The following ANKRD29 variants were observed in gnomAD, a reference collection of about 807,000 sequenced individuals.
ANKRD29 encodes the protein ankyrin repeat domain-containing protein 29.
Under a neutral mutation model 38.0 loss-of-function variants are expected in ANKRD29, and 32 were observed. The observed-to-expected ratio is 0.84, with a 90% CI of 0.64 to 1.13. ANKRD29 has a LOEUF of 1.13. Among genes scored for constraint, ANKRD29 ranks in the 50% most tolerant of loss-of-function variants. The pLI is 0.00. For synonymous variants in ANKRD29, 135 were observed against 152.4 expected (o/e 0.89, Z 0.84); for missense variants, 357 against 377.9 (o/e 0.94, Z 0.46).
intron 4 of ANKRD29, 43 bp downstream of exon 4, chr18:23,638,806 T>C (rs1179852546): frequency 4.0e-6 from 6 of 1,511,768 alleles, no homozygotes; most frequent in Non-Finnish European, 5.4e-6. Context: ...CCATGGCTGC[T>C]GAAATTCTTC....
chr18:23,612,173 G>A lies in ANKRD29; in HGVS notation c.741C>T (p.Leu247=). The change falls in exon 9 of 10, where the codon CTC becomes CTT. Residue 247 remains leucine, a synonymous_variant. Coordinates refer to ENST00000592179, the MANE Select transcript of ANKRD29 (RefSeq NM_173505.4). ...TGTTTCCACTGAGCACTGCTGCATG[G>A]AGCGCTGATGTCCCATTCTAAGAGA... ...LGILKNGTSA[L]HAAVLSGNIK... 2 of 1,613,694 alleles carry A rather than the reference G, an allele frequency of 1.2e-6. No homozygotes were observed. Among genetic ancestry groups the A allele is most frequent in the Non-Finnish European group, 8.5e-7 (1 of 1,179,838 alleles).
intron 3 of ANKRD29, 144 bp downstream of exon 3, chr18:23,646,045 A>G: frequency 2.7e-6 from 2 of 734,646 alleles, no homozygotes; most frequent in Non-Finnish European, 4.5e-6. Context: ...GCTGGACCTC[A>G]TTGTAGGCAC....
intron 4 of ANKRD29, among the ~76,000 whole-genome samples, chr18:23,638,148 C>A (rs542045483): frequency 6.6e-6 from 1 of 151,946 alleles, no homozygotes; most frequent in Non-Finnish European, 1.5e-5. Flanking sequence ...CAGGCATGTG[C>A]CATCACGCCT....
At chr18:23,611,052 A>T (rs987283896) in intron 9 of ANKRD29, among the ~76,000 whole-genome samples, 28 of 152,254 alleles carry the variant, frequency 1.8e-4, no homozygotes, top group African/African-American at 6.8e-4. Flanking sequence ...GCTTAAGCAG[A>T]TGTTGAAGAG....
At chr18:23,640,467 G>A (rs1452168128) in intron 3 of ANKRD29, among the ~76,000 whole-genome samples, 1 of 152,192 alleles carries the variant, frequency 6.6e-6, no homozygotes, top group East Asian at 1.9e-4. Flanking sequence ...GCGCCCCAGA[G>A]TGGAAGACTA....
At chr18:23,640,241 T>C (rs2060056585) in intron 3 of ANKRD29, among the ~76,000 whole-genome samples, 1 of 152,128 alleles carries the variant, frequency 6.6e-6, no homozygotes, top group African/African-American at 2.4e-5. Flanking sequence ...AGGAAGGGAA[T>C]TCCCCCAGGA....
At chr18:23,605,718 G>A (rs1167382295) in intron 9 of ANKRD29, among the ~76,000 whole-genome samples, 1 of 151,718 alleles carries the variant, frequency 6.6e-6, no homozygotes, top group Non-Finnish European at 1.5e-5. Flanking sequence ...GTAGAGACGG[G>A]GTTTCACCAT....
chr18:23,615,332 T>A (rs1008242548), intron 8 of ANKRD29, among the ~76,000 whole-genome samples: 1 of 152,104 alleles, frequency 6.6e-6, no homozygotes, highest in Admixed American at 6.5e-5. Flanking sequence ...TAAATGATTT[T>A]AAAAAGATTA....
At chr18:23,651,024 C>T (rs377592203) in intron 1 of ANKRD29, among the ~76,000 whole-genome samples, 5 of 152,264 alleles carry the variant, frequency 3.3e-5, no homozygotes, top group African/African-American at 9.6e-5. Context: ...AAATACAGTG[C>T]TTTTTCTAAG....
At chr18:23,649,397 A>G in intron 1 of ANKRD29, 1 of 704,922 alleles carries the variant, frequency 1.4e-6, no homozygotes, top group East Asian at 2.7e-5. Flanking sequence ...ATGGCTATGA[A>G]GAGCAGTGTT....
intron 8 of ANKRD29, among the ~76,000 whole-genome samples, chr18:23,614,430 T>C (rs1244147971): frequency 6.6e-6 from 1 of 152,178 alleles, no homozygotes; most frequent in Non-Finnish European, 1.5e-5. Context: ...CCAAGCTTTC[T>C]AAAGCTTATT....
At chr18:23,621,378 G>C (rs1198095105) in intron 6 of ANKRD29, among the ~76,000 whole-genome samples, 1 of 152,164 alleles carries the variant, frequency 6.6e-6, no homozygotes, top group African/African-American at 2.4e-5. Context: ...CTGGGTCGGG[G>C]AAGCTGGTGA....
At chr18:23,646,509 C>T (rs2060142254) in intron 2 of ANKRD29, 1 of 449,450 alleles carries the variant, frequency 2.2e-6, no homozygotes, top group Non-Finnish European at 4.0e-6. Flanking sequence ...TAAAAATTCA[C>T]TTACTTCCAT....
In ANKRD29 at chr18:23,617,894, T is replaced by G; in HGVS notation, c.628-67A>C. 3 of 1,341,242 alleles carry G rather than the reference T, an allele frequency of 2.2e-6. No individual in the cohort carries two copies. In the South Asian group the frequency reaches 3.6e-5, roughly 16 times the overall value. 83.1% of individuals were successfully genotyped at this position (1,341,242 alleles called of 1,614,324 possible). On this transcript the variant is annotated intron_variant, in intron 7 of 9. Coordinates refer to ENST00000592179, the MANE Select transcript of ANKRD29 (RefSeq NM_173505.4). ...ATCTGTGTTGCTTGAAAGCAGTCAGTTGGGAACTGGAAAGTACCGTTGTCA... is the reference window on the plus strand; with the variant it reads ...ATCTGTGTTGCTTGAAAGCAGTCAGGTGGGAACTGGAAAGTACCGTTGTCA...
intron 9 of ANKRD29, among the ~76,000 whole-genome samples, chr18:23,605,718 G>T (rs1167382295): frequency 6.6e-6 from 1 of 151,718 alleles, no homozygotes; most frequent in Non-Finnish European, 1.5e-5. Flanking sequence ...GTAGAGACGG[G>T]GTTTCACCAT....
chr18:23,616,567 C>CTATATATACAGTATATATATATATATAA (rs2059722468), intron 8 of ANKRD29, among the ~76,000 whole-genome samples: 1 of 111,754 alleles, frequency 8.9e-6, no homozygotes, highest in South Asian at 2.7e-4. Context: ...TATATATACA[C>CTATATATACAGTATATATATATATATAA]TATATATACA....
At chr18:23,602,459 T>C (rs559029883) in intron 9 of ANKRD29, among the ~76,000 whole-genome samples, 9 of 152,310 alleles carry the variant, frequency 5.9e-5, no homozygotes, top group African/African-American at 1.9e-4. Context: ...GGCCTTTCTT[T>C]TCACATTGCT....
intron 1 of ANKRD29, among the ~76,000 whole-genome samples, chr18:23,658,951 C>A (rs570939172): frequency 3.3e-5 from 5 of 152,158 alleles, no homozygotes; most frequent in African/African-American, 1.2e-4. Flanking sequence ...GTTTAAGCCT[C>A]CCTATCTATG....
intron 6 of ANKRD29, among the ~76,000 whole-genome samples, chr18:23,622,612 G>A (rs935829212): frequency 1.3e-5 from 2 of 152,094 alleles, no homozygotes; most frequent in African/African-American, 4.8e-5. Flanking sequence ...TGTTGCCCAG[G>A]CTGGAGTGCA....
Sources: allele counts gnomAD v4.1 joint callset (sites outside exome capture counted in the v4.1 genomes callset), GRCh38; gene constraint gnomAD v4.1.1; transcripts MANE v1.5; gene names NCBI Gene and HGNC (gene_info 2026-07-23, HGNC 2026-07-21).